Variants in SSBP2 observed in about 807,000 individuals in gnomAD.
SSBP2 encodes single stranded DNA binding protein 2.
A neutral mutation model predicts 61.8 loss-of-function variants in SSBP2; 17 were observed. That is an observed-to-expected ratio of 0.28 (90% CI 0.19 to 0.41). The LOEUF is 0.41. Ranked by LOEUF, SSBP2 falls within the 10% of genes least tolerant of loss-of-function variation. SSBP2 has a pLI of 1.00. For synonymous variants in SSBP2, 139 were observed against 141.3 expected, an observed-to-expected ratio of 0.98 and a Z score of 0.12; for missense variants, 310 against 458.7, an observed-to-expected ratio of 0.68 and a Z score of 2.96.
At position 81,725,445 on chromosome 5, in the gene SSBP2, T is replaced by A. The variant is rs183677166; in HGVS notation, c.62+25536A>T. 2.6e-3 allele frequency among the ~76,000 whole-genome samples: 395 copies of A among 152,234 alleles called. 1 individual carries two copies. The highest frequency in any genetic ancestry group is 0.021 in the Middle Eastern group (6 of 292). ...TACACTAGTACAGACATTCTGGAAA[T>A]CAAGTTGGCAAAACTTAGTGAAATG... On this transcript the variant is annotated intron_variant, in intron 1 of 16. Coordinates refer to ENST00000320672, the MANE Select transcript of SSBP2 (RefSeq NM_012446.5).
At chr5:81,463,121 T>C (rs1226344152) in intron 9 of SSBP2, among the ~76,000 whole-genome samples, 3 of 152,092 alleles carry the variant, frequency 2.0e-5, no homozygotes, top group African/African-American at 7.2e-5. Context: ...ATAAATTTCA[T>C]TTTACTATTA....
intron 4 of SSBP2, among the ~76,000 whole-genome samples, chr5:81,570,694 A>AC: frequency 7.6e-6 from 1 of 131,104 alleles, no homozygotes; most frequent in Non-Finnish European, 1.6e-5. Context: ...AAAATAATTA[A>AC]AATTTTTTCT....
chr5:81,675,950 T>G (rs1013895245), intron 1 of SSBP2, among the ~76,000 whole-genome samples: 2 of 152,154 alleles, frequency 1.3e-5, no homozygotes, highest in African/African-American at 4.8e-5. Flanking sequence ...TCAGACCCAC[T>G]ACGTCAGTCA....
chr5:81,616,282 T>A (rs889374052), intron 3 of SSBP2: 3 of 146,794 alleles, frequency 2.0e-5, no homozygotes, highest in African/African-American at 7.6e-5. Context: ...AGGCATTGCC[T>A]CACCTGGGAA....
chr5:81,575,395 G>C (rs935948904), intron 4 of SSBP2, among the ~76,000 whole-genome samples: 5 of 152,328 alleles, frequency 3.3e-5, no homozygotes, highest in African/African-American at 1.2e-4. Flanking sequence ...TAAGTTGTGG[G>C]AGGTTAAATG....
At chr5:81,462,323 C>G (rs1181711833) in intron 9 of SSBP2, among the ~76,000 whole-genome samples, 1 of 152,106 alleles carries the variant, frequency 6.6e-6, no homozygotes, top group Non-Finnish European at 1.5e-5. Context: ...AGAGGCTGAG[C>G]AAGTTAGTTA....
chr5:81,539,529 G>A (rs1408703424), intron 4 of SSBP2, among the ~76,000 whole-genome samples: 1 of 152,190 alleles, frequency 6.6e-6, no homozygotes, highest in Admixed American at 6.5e-5. Flanking sequence ...CCATCAAACA[G>A]TATTGTATGC....
rs1394929612 is a variant in SSBP2, at chr5:81,420,214, A to G, written c.*290T>C. On this transcript the variant is annotated 3_prime_UTR_variant, in exon 17 of 17. Transcript: ENST00000320672. ...AATGTATGTATGTGTATATGTCTGT[A>G]TAACATACACATATACAGTACATTC... The G allele has an allele frequency of 2.6e-6, 1 of 379,624 alleles. No homozygotes were observed. Among genetic ancestry groups the G allele is most frequent in the African/African-American group, 2.1e-5 (1 of 48,596 alleles). 23.5% of individuals were successfully genotyped at this position (379,624 alleles called of 1,614,324 possible). A position where few individuals can be genotyped will look rare whatever the true frequency, so the allele number is the denominator to read the frequency against.
intron 16 of SSBP2, among the ~76,000 whole-genome samples, chr5:81,421,973 T>C (rs983456118): frequency 1.3e-5 from 2 of 152,196 alleles, no homozygotes; most frequent in Non-Finnish European, 2.9e-5. Context: ...TAATCCCACA[T>C]GGTAATTTAC....
intron 5 of SSBP2, among the ~76,000 whole-genome samples, chr5:81,491,139 T>A (rs966269867): frequency 2.0e-5 from 3 of 152,220 alleles, no homozygotes; most frequent in East Asian, 1.9e-4. Flanking sequence ...ATTTAAAAAA[T>A]TTAATAAATA....
At chr5:81,631,801 A>C (rs1361430537) in intron 3 of SSBP2, among the ~76,000 whole-genome samples, 1 of 152,188 alleles carries the variant, frequency 6.6e-6, no homozygotes, top group African/African-American at 2.4e-5. Flanking sequence ...AAGCTATCAG[A>C]ATAAGAACTA....
chr5:81,697,921 C>T (rs1388098840), intron 1 of SSBP2, among the ~76,000 whole-genome samples: 2 of 152,058 alleles, frequency 1.3e-5, no homozygotes, highest in African/African-American at 4.8e-5. Context: ...AATTATCTGC[C>T]TCTATGGTAA....
At chr5:81,508,216 T>G (rs528021696) in intron 5 of SSBP2, among the ~76,000 whole-genome samples, 3 of 152,176 alleles carry the variant, frequency 2.0e-5, no homozygotes, top group Non-Finnish European at 4.4e-5. Flanking sequence ...TGCCAAACTT[T>G]TAGTTAGATC....
At chr5:81,633,435 G>A (rs1272567290) in intron 3 of SSBP2, among the ~76,000 whole-genome samples, 1 of 151,972 alleles carries the variant, frequency 6.6e-6, no homozygotes, top group East Asian at 1.9e-4. Context: ...CTCCTTTACA[G>A]CCTCTTCTTC....
At chr5:81,582,463 A>G (rs1774731459) in intron 4 of SSBP2, among the ~76,000 whole-genome samples, 1 of 152,204 alleles carries the variant, frequency 6.6e-6, no homozygotes, top group African/African-American at 2.4e-5. Context: ...ATTTGCTACT[A>G]CACAGTAAAA....
intron 4 of SSBP2, among the ~76,000 whole-genome samples, chr5:81,587,157 T>C (rs943405352): frequency 1.3e-5 from 2 of 152,204 alleles, no homozygotes; most frequent in East Asian, 3.9e-4. Context: ...CTGAGTTCTG[T>C]GAGTCCTTCT....
At position 81,536,935 on chromosome 5, in the gene SSBP2, C is replaced by T. The variant is rs1231982084; in HGVS notation, c.283-23218G>A. On this transcript the variant is annotated intron_variant, in intron 4 of 16. Coordinates refer to ENST00000320672, the MANE Select transcript of SSBP2 (RefSeq NM_012446.5). ...AGGAGAATTGCTTGAACCCAGGAGG[C>T]GGAGGTTGCAGTGAACTGAGATCAC... 2.6e-5 allele frequency among the ~76,000 whole-genome samples: 4 copies of T among 151,272 alleles called. No homozygotes were observed. The South Asian group carries it at 6.2e-4, about 24-fold the overall frequency.
intron 2 of SSBP2, among the ~76,000 whole-genome samples, chr5:81,646,133 G>A (rs537033523): frequency 3.3e-5 from 5 of 152,086 alleles, no homozygotes; most frequent in South Asian, 2.1e-4. Flanking sequence ...TGGCCTTCTC[G>A]CAACTTCACC....
chr5:81,682,700 GCAAA>G (rs1752487369), intron 1 of SSBP2, among the ~76,000 whole-genome samples: 1 of 151,928 alleles, frequency 6.6e-6, no homozygotes, highest in Admixed American at 6.6e-5. Context: ...GAAATAAAAG[GCAAA>G]CAGATTGAAA....
Sources: gnomAD v4.1 joint callset for allele counts (sites outside exome capture counted in the v4.1 genomes callset) on GRCh38, gnomAD v4.1.1 for gene constraint, MANE v1.5 for transcripts, NCBI Gene and HGNC (gene_info 2026-07-23, HGNC 2026-07-21) for gene names.